LILRB4: variants seen among roughly 807,000 people sequenced by gnomAD.
LILRB4 encodes leukocyte immunoglobulin like receptor B4, also known as leukocyte immunoglobulin-like receptor subfamily B member 4.
A neutral mutation model predicts 55.2 loss-of-function variants in LILRB4; 49 were observed. The observed-to-expected ratio is 0.89, with a 90% CI of 0.71 to 1.13. LILRB4 has a LOEUF of 1.13. LILRB4 is among the 50% of genes most tolerant of loss of function. LILRB4 has a pLI of 0.00. For synonymous variants in LILRB4, 229 were observed against 213.8 expected (o/e 1.07, Z -0.62); for missense variants, 590 against 555.2 (o/e 1.06, Z -0.63).
At chr19:54,668,387 A>G (rs1417294706) in exon 12 of LILRB4, 1 of 208,054 alleles carries the variant, frequency 4.8e-6, no homozygotes, top group Non-Finnish European at 9.7e-6. Flanking sequence ...CAAAATGTTT[A>G]TTCTTGAAAA....
At chr19:54,667,424 C>A (rs552532364) in intron 10 of LILRB4, 18 of 1,039,188 alleles carry the variant, frequency 1.7e-5, no homozygotes, top group Non-Finnish European at 2.5e-5. Flanking sequence ...AGGAAGGCCG[C>A]GTGAGGCTGC....
chr19:54,664,132 G>T lies in LILRB4; in HGVS notation c.356-54G>T, dbSNP rs373754632. 1.2e-4 allele frequency: 188 copies of T among 1,590,980 alleles called. 1 individual carries two copies. The highest frequency in any genetic ancestry group is 1.5e-4 in the Non-Finnish European group (176 of 1,168,002). ...TCTCCCTCTCACAGCCCAGCCCTGGGGATGATGTGGGAGGTGGGAGCCCCA... is the reference window on the plus strand; with the variant it reads ...TCTCCCTCTCACAGCCCAGCCCTGGTGATGATGTGGGAGGTGGGAGCCCCA... On this transcript the variant is annotated intron_variant, in intron 3 of 11. Coordinates refer to ENST00000430952, the Ensembl canonical transcript of LILRB4.
chr19:54,663,564 G>T (rs1324693877), exon 2 of LILRB4: 2 of 1,613,332 alleles, frequency 1.2e-6, no homozygotes, highest in African/African-American at 1.3e-5. Flanking sequence ...CCACATGCAG[G>T]CAGGTGAGTC....
chr19:54,668,235 G>A lies in LILRB4; in HGVS notation c.*216G>A, dbSNP rs2065386469. 4 of 553,796 alleles carry A rather than the reference G, an allele frequency of 7.2e-6. No individual in the cohort carries two copies. The South Asian group carries it at 1.1e-4, about 16-fold the overall frequency. 34.3% of individuals were successfully genotyped at this position (553,796 alleles called of 1,614,324 possible). A position where few individuals can be genotyped will look rare whatever the true frequency, so the allele number is the denominator to read the frequency against. On this transcript the variant is annotated 3_prime_UTR_variant, in exon 12 of 12. Transcript: ENST00000430952. ...AGTAGCAGACCTCTCAATTCACAAT[G>A]AGTTAACTGATAAAACAAAACAGAA...
exon 3 of LILRB4, chr19:54,663,996 G>A: frequency 1.2e-6 from 2 of 1,614,134 alleles, no homozygotes; most frequent in South Asian, 2.2e-5. Context: ...CAGCCCTGTA[G>A]GCTGGTCACA....
In LILRB4 at chr19:54,665,940, GA is replaced by G. The variant is rs895775805; in HGVS notation, c.874+12del. Reference sequence around the variant, plus strand: ...AAAACACAGGACATTGGGTAAGTAGGAAATTGGGGGACCCGTGGGCTGATGG... The same window carrying G: ...AAAACACAGGACATTGGGTAAGTAGGAATTGGGGGACCCGTGGGCTGATGG... On this transcript the variant is annotated intron_variant, in intron 7 of 11. Coordinates refer to ENST00000430952, the Ensembl canonical transcript of LILRB4. This position sits in a 1 kb window ranked among gnomAD's most constrained non-coding sequence, Gnocchi z 5.5. 1.2e-6 allele frequency: 2 copies of G among 1,613,902 alleles called. No individual in the cohort carries two copies. The highest frequency in any genetic ancestry group is 2.7e-5 in the African/African-American group (2 of 74,932).
exon 11 of LILRB4, chr19:54,667,765 C>T (rs1282167993): frequency 1.8e-5 from 29 of 1,611,284 alleles, no homozygotes; most frequent in African/African-American, 6.7e-5. Flanking sequence ...GACAGACAGG[C>T]AGAAGAGGAC....
At position 54,666,858 on chromosome 19, in the gene LILRB4, C is replaced by T; in HGVS notation, c.1041+109C>T. 6 of 1,109,034 alleles carry T rather than the reference C, an allele frequency of 5.4e-6. No individual in the cohort carries two copies. The highest frequency in any genetic ancestry group is 1.7e-5 in the Admixed American group (1 of 59,378). The allele number at this position is 1,109,034 out of a possible 1,614,324, so 68.7% of individuals were successfully genotyped here. Reference sequence around the variant, plus strand: ...CGGCTCTCAGCATCGTCACGGTGGACCCCTCCTTGTCCAGCACGCTGCCTC... The same window carrying T: ...CGGCTCTCAGCATCGTCACGGTGGATCCCTCCTTGTCCAGCACGCTGCCTC... On this transcript the variant is annotated intron_variant, in intron 10 of 11. Coordinates refer to ENST00000430952, the Ensembl canonical transcript of LILRB4. This position sits in a 1 kb window ranked among gnomAD's most constrained non-coding sequence, Gnocchi z 4.8.
chr19:54,664,104 G>A lies in LILRB4; in HGVS notation c.355+66G>A, dbSNP rs1472041351. Reference sequence around the variant, plus strand: ...TCAGGAAGGGGGTCAGCTCTCAGGGGCATCTCCCTCTCACAGCCCAGCCCT... The same window carrying A: ...TCAGGAAGGGGGTCAGCTCTCAGGGACATCTCCCTCTCACAGCCCAGCCCT... On this transcript the variant is annotated intron_variant, in intron 3 of 11. Transcript: ENST00000430952. 5.6e-6 allele frequency: 9 copies of A among 1,599,460 alleles called. No individual in the cohort carries two copies. The East Asian group carries it at 1.6e-4, about 28-fold the overall frequency.
intron 10 of LILRB4, 119 bp from the exon 11 acceptor site, chr19:54,667,516 C>T (rs11574586): frequency 6.5e-7 from 1 of 1,534,458 alleles, no homozygotes; most frequent in South Asian, 1.3e-5. Context: ...GGCCTTAGGG[C>T]ATCCCTGAGA....
Position 54,665,754 on chromosome 19 carries a change from A to T in LILRB4, c.758-61A>T, listed in dbSNP as rs1332872823. The T allele has an allele frequency of 1.9e-6, 3 of 1,546,958 alleles. No individual in the cohort carries two copies. Among genetic ancestry groups the T allele is most frequent in the Non-Finnish European group, 2.6e-6 (3 of 1,141,328 alleles). On this transcript the variant is annotated intron_variant, in intron 6 of 11. Transcript: ENST00000430952. This position sits in a 1 kb window ranked among gnomAD's most constrained non-coding sequence, Gnocchi z 5.5. ...AAGACCCAGCACACACAGTAGGTGCACACACAGTAGGTGTGCACATCAATG... is the reference window on the plus strand; with the variant it reads ...AAGACCCAGCACACACAGTAGGTGCTCACACAGTAGGTGTGCACATCAATG...
chr19:54,664,323 C>T, exon 4 of LILRB4: 3 of 1,614,126 alleles, frequency 1.9e-6, no homozygotes, highest in Non-Finnish European at 2.5e-6. Context: ...CCATCCCCTA[C>T]TGCATCTGAG....
rs1023233012 is a variant in LILRB4, at chr19:54,666,237, C to G, written c.875-3C>G. 10 of 1,589,388 alleles carry G rather than the reference C, an allele frequency of 6.3e-6. No homozygotes were observed. Among genetic ancestry groups the G allele is most frequent in the African/African-American group, 2.7e-5 (2 of 74,070 alleles). On this transcript the variant is annotated splice_polypyrimidine_tract_variant and splice_region_variant and intron_variant, in intron 7 of 11. Transcript: ENST00000430952. This position sits in a 1 kb window ranked among gnomAD's most constrained non-coding sequence, Gnocchi z 4.8. ...AGCTGAGACTCTGTCCATCTTCCCC[C>G]AGCCCAGAGACAGGCTGATTTCCAA...
Position 54,665,338 on chromosome 19 carries a change from G to A in LILRB4, c.757+158G>A. ...AAGTGTAAAGGAGAGAGGCCTGCGG[G>A]TGGGAAAGTTCCTTTCAGCTCTGAC... is the stretch of plus-strand genomic sequence containing the variant. On this transcript the variant is annotated intron_variant, in intron 6 of 11. Transcript: ENST00000430952. This position sits in a 1 kb window ranked among gnomAD's most constrained non-coding sequence, Gnocchi z 5.5. The A allele has an allele frequency of 1.1e-6, 1 of 887,226 alleles. No individual in the cohort carries two copies. Among genetic ancestry groups the A allele is most frequent in the Non-Finnish European group, 1.4e-6 (1 of 740,596 alleles). 55.0% of individuals were successfully genotyped at this position (887,226 alleles called of 1,614,324 possible).
intron 10 of LILRB4, chr19:54,667,166 T>A: frequency 1.8e-6 from 1 of 561,898 alleles, no homozygotes; most frequent in Non-Finnish European, 3.5e-6. Flanking sequence ...GCTCACCTCG[T>A]GGTGGGAGAC....
rs538624431 is a variant in LILRB4 at position 54,663,408 on chromosome 19, C to T, written c.35-124C>T. ...TTGCAGTGAGCCAAGATCGCACCAC[C>T]GCACTCCAGCCTGGGTGACAGCGAG... On this transcript the variant is annotated intron_variant, in intron 1 of 11. Transcript: ENST00000430952. The T allele has an allele frequency of 3.7e-4, 500 of 1,360,668 alleles. 1 individual carries two copies. The highest frequency in any genetic ancestry group is 1.5e-3 in the African/African-American group (91 of 62,220). 84.3% of individuals were successfully genotyped at this position (1,360,668 alleles called of 1,614,324 possible).
At position 54,666,219 on chromosome 19, in the gene LILRB4, A is replaced by T; in HGVS notation, c.875-21A>T. On this transcript the variant is annotated intron_variant, in intron 7 of 11. Transcript: ENST00000430952. The surrounding 1 kb of genome is among the most constrained non-coding windows in gnomAD (Gnocchi z 4.8). ...TGGTTCTAACGTTCCCAGAGCTGAG[A>T]CTCTGTCCATCTTCCCCCAGCCCAG... 1 of 1,567,876 alleles carries T rather than the reference A, an allele frequency of 6.4e-7. No homozygotes were observed. Among genetic ancestry groups the T allele is most frequent in the Non-Finnish European group, 8.6e-7 (1 of 1,159,246 alleles).
chr19:54,666,239 G>A lies in LILRB4; in HGVS notation c.875-1G>A, dbSNP rs764950306. 3.1e-6 allele frequency: 5 copies of A among 1,596,288 alleles called. No homozygotes were observed. In the East Asian group the frequency reaches 8.9e-5, roughly 29 times the overall value. On this transcript the variant is annotated splice_acceptor_variant, in intron 7 of 11. Transcript: ENST00000430952. LOFTEE classifies it high-confidence loss of function. The surrounding 1 kb of genome is among the most constrained non-coding windows in gnomAD (Gnocchi z 4.8). ...CTGAGACTCTGTCCATCTTCCCCCAGCCCAGAGACAGGCTGATTTCCAACG... is the reference window on the plus strand; with the variant it reads ...CTGAGACTCTGTCCATCTTCCCCCAACCCAGAGACAGGCTGATTTCCAACG...
exon 11 of LILRB4, chr19:54,667,788 A>C: frequency 6.2e-7 from 1 of 1,609,688 alleles, no homozygotes; most frequent in Non-Finnish European, 8.5e-7. Flanking sequence ...ACAGATGGAC[A>C]CTGAGGTGAG....
Sources: gnomAD v4.1 joint callset for allele counts on GRCh38, gnomAD v4.1.1 for gene constraint, Gnocchi (gnomAD v3.1) non-coding constraint, MANE v1.5 for transcripts, NCBI Gene and HGNC (gene_info 2026-07-23, HGNC 2026-07-21) for gene names.